The following DAPK1 variants were observed in gnomAD, a reference collection of about 807,000 sequenced individuals.
DAPK1 encodes death associated protein kinase 1, also known as death-associated protein kinase 1.
DAPK1 carries 56 observed loss-of-function variants against 144.9 expected under a neutral mutation model. The observed-to-expected ratio is 0.39, with a 90% CI of 0.31 to 0.48. The LOEUF is 0.48. Among genes scored for constraint, DAPK1 ranks in the 20% least tolerant of loss-of-function variants. The pLI, the probability that DAPK1 is intolerant of heterozygous loss-of-function variation, is 0.95. For missense variants in DAPK1, 1,454 were observed against 1,875.4 expected (o/e 0.78, Z 4.15); for synonymous variants, 690 against 749.0 (o/e 0.92, Z 1.29).
At position 87,684,992 on chromosome 9, in the gene DAPK1, G is replaced by A. The variant is rs60322694; in HGVS notation, c.2225-1559G>A. Among the ~76,000 whole-genome samples the A allele has an allele frequency of 7.8e-3, 1,183 of 152,282 alleles. 7 individuals are homozygous for A. The highest frequency in any genetic ancestry group is 0.015 in the African/African-American group (632 of 41,538). ...CTAAAAGAAGGCTTGTTCCTGACAGGCAGGCACCCAGACACAAATTCCAGG... is the reference window on the plus strand; with the variant it reads ...CTAAAAGAAGGCTTGTTCCTGACAGACAGGCACCCAGACACAAATTCCAGG... On this transcript the variant is annotated intron_variant, in intron 20 of 25. Transcript: ENST00000408954.
chr9:87,525,648 C>T (rs1404969318), intron 2 of DAPK1, among the ~76,000 whole-genome samples: 1 of 152,198 alleles, frequency 6.6e-6, no homozygotes, highest in Non-Finnish European at 1.5e-5. Flanking sequence ...GTCAGAGCAG[C>T]CCTGTTAGGG....
At chr9:87,593,766 G>T (rs772984262) in intron 2 of DAPK1, among the ~76,000 whole-genome samples, 1 of 151,944 alleles carries the variant, frequency 6.6e-6, no homozygotes. Context: ...TTTTTCAGCC[G>T]AGAGCAGCTT....
intron 2 of DAPK1, among the ~76,000 whole-genome samples, chr9:87,541,252 A>C (rs1430238759): frequency 1.3e-5 from 2 of 152,144 alleles, no homozygotes; most frequent in Admixed American, 1.3e-4. Flanking sequence ...TCAGCACTTT[A>C]AAGAATGATG....
intron 3 of DAPK1, among the ~76,000 whole-genome samples, chr9:87,618,556 A>G (rs1228132483): frequency 6.6e-6 from 1 of 152,256 alleles, no homozygotes; most frequent in African/African-American, 2.4e-5. Flanking sequence ...TGAACAAAAT[A>G]TGGTATGTCC....
In DAPK1 at chr9:87,686,691, G is replaced by A. The variant is rs983585908; in HGVS notation, c.2365G>A (p.Asp789Asn). The stretch of plus-strand genomic sequence containing the variant: ...GACCCACCACCCGCACTGCTCGGCC[G>A]ATGACCAGTCCACCAAGGCCATCGA... Reference protein sequence around the residue: ...APTHHPHCSADDQSTKAIDIQ... With the variant: ...APTHHPHCSANDQSTKAIDIQ... Residue 789 changes from aspartate (D) to asparagine (N), a missense_variant, in exon 21 of 26, where the codon GAT becomes AAT. By Grantham distance (23) the Asp-to-Asn change is conservative. This residue lies in a region of DAPK1 where 1,025 missense variants were observed against 1,237.9 expected (regional missense o/e 0.83). Coordinates refer to ENST00000408954, the MANE Select transcript of DAPK1 (RefSeq NM_004938.4). This position sits in a 1 kb window ranked among gnomAD's most constrained non-coding sequence, Gnocchi z 4.2. The A allele has an allele frequency of 1.2e-6, 2 of 1,613,258 alleles. No homozygotes were observed. Among genetic ancestry groups the A allele is most frequent in the African/African-American group, 1.3e-5 (1 of 74,886 alleles).
chr9:87,557,316 G>C (rs1185591422), intron 2 of DAPK1, among the ~76,000 whole-genome samples: 1 of 152,116 alleles, frequency 6.6e-6, no homozygotes, highest in Non-Finnish European at 1.5e-5. Flanking sequence ...CCCTGTCAGG[G>C]GAGACCCTTT....
chr9:87,541,478 GGCAAAGA>G (rs1826049906), intron 2 of DAPK1, among the ~76,000 whole-genome samples: 1 of 151,718 alleles, frequency 6.6e-6, no homozygotes, highest in Non-Finnish European at 1.5e-5. Flanking sequence ...GAACCAGGGA[GGCAAAGA>G]TTGCGGTGAG....
chr9:87,661,634 CTT>C (rs1830850917), intron 18 of DAPK1, among the ~76,000 whole-genome samples: 1 of 152,024 alleles, frequency 6.6e-6, no homozygotes. Context: ...AAAAATGTCT[CTT>C]CATGTCCTTA....
intron 19 of DAPK1, among the ~76,000 whole-genome samples, chr9:87,680,699 C>T (rs1815966024): frequency 6.6e-6 from 1 of 151,960 alleles, no homozygotes; most frequent in South Asian, 2.1e-4. Flanking sequence ...TTGCTCCATC[C>T]AACTTGTCAT....
intron 2 of DAPK1, among the ~76,000 whole-genome samples, chr9:87,508,361 T>TA (rs1824692274): frequency 6.7e-6 from 1 of 149,196 alleles, no homozygotes; most frequent in South Asian, 2.1e-4. Flanking sequence ...TTTTTTTTTT[T>TA]AAACGGAGTC....
chr9:87,651,349 C>T (rs1830436897), intron 16 of DAPK1, among the ~76,000 whole-genome samples, 178 bp from the exon 17 acceptor site: 1 of 152,082 alleles, frequency 6.6e-6, no homozygotes, highest in African/African-American at 2.4e-5. Context: ...GCTCCGCATC[C>T]TCCCAGTCCT....
At chr9:87,498,787 C>T (rs1045375481) in intron 1 of DAPK1, among the ~76,000 whole-genome samples, 183 bp from the exon 2 acceptor site, 4 of 151,922 alleles carry the variant, frequency 2.6e-5, no homozygotes, top group Non-Finnish European at 5.9e-5. Flanking sequence ...GCGCGCGGGG[C>T]TGAGGGGTCG....
chr9:87,560,005 C>T (rs1041447332), intron 2 of DAPK1, among the ~76,000 whole-genome samples: 2 of 114,420 alleles, frequency 1.7e-5, no homozygotes, highest in African/African-American at 8.3e-5. Flanking sequence ...TTCCTTTTTT[C>T]TTTTTTTGTT....
At chr9:87,540,038 G>T (rs1477951748) in intron 2 of DAPK1, among the ~76,000 whole-genome samples, 1 of 151,788 alleles carries the variant, frequency 6.6e-6, no homozygotes, top group Non-Finnish European at 1.5e-5. Context: ...TCGACTTAAG[G>T]AAAGAAAAAA....
chr9:87,628,232 T>G (rs2119076897), intron 3 of DAPK1, among the ~76,000 whole-genome samples: 1 of 152,342 alleles, frequency 6.6e-6, no homozygotes, highest in East Asian at 1.9e-4. Flanking sequence ...TTACTTGAAC[T>G]TGAATTTGAG....
At chr9:87,550,816 A>C (rs182839510) in intron 2 of DAPK1, among the ~76,000 whole-genome samples, 1 of 152,366 alleles carries the variant, frequency 6.6e-6, no homozygotes, top group East Asian at 1.9e-4. Flanking sequence ...ACTACAGCTA[A>C]GCCAAGCTGT....
chr9:87,589,202 A>G (rs1357099648), intron 2 of DAPK1, among the ~76,000 whole-genome samples: 1 of 151,754 alleles, frequency 6.6e-6, no homozygotes, highest in Non-Finnish European at 1.5e-5. Context: ...AGCCACCGCA[A>G]CCGGCCAGTA....
chr9:87,596,808 CA>C (rs1828334705), intron 2 of DAPK1, among the ~76,000 whole-genome samples: 1 of 152,204 alleles, frequency 6.6e-6, no homozygotes, highest in African/African-American at 2.4e-5. Context: ...CAAACCACTC[CA>C]AAACGTGGTA....
chr9:87,659,746 C>T (rs755539416), intron 18 of DAPK1, among the ~76,000 whole-genome samples: 14 of 152,166 alleles, frequency 9.2e-5, no homozygotes, highest in Non-Finnish European at 1.8e-4. Flanking sequence ...CCAGGCCCCT[C>T]CCACGGTGCC....
Sources: gnomAD v4.1 joint callset for allele counts (sites outside exome capture counted in the v4.1 genomes callset) on GRCh38, gnomAD v4.1.1 for gene constraint, gnomAD v4.1.1 regional missense constraint, Gnocchi (gnomAD v3.1) non-coding constraint, MANE v1.5 for transcripts, NCBI Gene and HGNC (gene_info 2026-07-23, HGNC 2026-07-21) for gene names.